Variants in DAB1 observed in about 807,000 individuals in gnomAD.
DAB1 encodes the protein DAB adaptor protein 1, also known as disabled homolog 1.
A neutral mutation model predicts 64.6 loss-of-function variants in DAB1; 15 were observed. The observed-to-expected ratio is 0.23, with a 90% CI of 0.16 to 0.36. The LOEUF (loss-of-function observed/expected upper bound fraction) is 0.36. Ranked by LOEUF, DAB1 falls within the 10% of genes least tolerant of loss-of-function variation. The pLI is 1.00. For missense variants in DAB1, 596 were observed against 706.7 expected, an observed-to-expected ratio of 0.84 and a Z score of 1.78; for synonymous variants, 235 against 251.9, an observed-to-expected ratio of 0.93 and a Z score of 0.64.
chr1:57,562,372 C>CA (rs894112700), intron 7 of DAB1, among the ~76,000 whole-genome samples: 10 of 151,552 alleles, frequency 6.6e-5, no homozygotes, highest in East Asian at 3.9e-4. Flanking sequence ...GACTCCGTCT[C>CA]AAAAAAAACA....
intron 6 of DAB1, among the ~76,000 whole-genome samples, chr1:57,756,743 C>T (rs1327559240): frequency 6.6e-6 from 1 of 151,936 alleles, no homozygotes; most frequent in Non-Finnish European, 1.5e-5. Context: ...AGTTGAAGTC[C>T]AGAAAGGACA....
chr1:58,090,549 TC>T (rs1206468559), intron 5 of DAB1, among the ~76,000 whole-genome samples: 9 of 152,230 alleles, frequency 5.9e-5, no homozygotes, highest in African/African-American at 2.2e-4. Context: ...TTCTAACTTT[TC>T]CCTATCTCCC....
At chr1:57,110,959 A>T (rs951562006) in intron 4 of DAB1, among the ~76,000 whole-genome samples, 2 of 151,684 alleles carry the variant, frequency 1.3e-5, no homozygotes, top group African/African-American at 4.8e-5. Context: ...TATAAACAGA[A>T]ATATATATAA....
chr1:58,505,250 T>C (rs1645969392), intron 3 of DAB1, among the ~76,000 whole-genome samples: 1 of 152,206 alleles, frequency 6.6e-6, no homozygotes, highest in Non-Finnish European at 1.5e-5. Flanking sequence ...GATACTTCTA[T>C]AATACACCTG....
At chr1:58,142,464 G>T (rs1013922968) in intron 5 of DAB1, among the ~76,000 whole-genome samples, 1 of 152,180 alleles carries the variant, frequency 6.6e-6, no homozygotes, top group South Asian at 2.1e-4. Flanking sequence ...AGGAAATGGA[G>T]TCTCTTCATC....
intron 5 of DAB1, among the ~76,000 whole-genome samples, chr1:57,988,821 T>C (rs1159024316): frequency 6.6e-6 from 1 of 152,062 alleles, no homozygotes; most frequent in African/African-American, 2.4e-5. Context: ...GCTAAAGAAA[T>C]ACAAATACTA....
At chr1:57,415,249 A>ACT (rs1684401595) in intron 1 of DAB1, among the ~76,000 whole-genome samples, 1 of 127,976 alleles carries the variant, frequency 7.8e-6, no homozygotes, top group Non-Finnish European at 1.6e-5. Flanking sequence ...CTCACACAAC[A>ACT]CACACACACA....
chr1:58,293,827 G>A (rs962102214), intron 4 of DAB1, among the ~76,000 whole-genome samples: 3 of 152,204 alleles, frequency 2.0e-5, no homozygotes, highest in Non-Finnish European at 4.4e-5. Context: ...TCTCAGAAAT[G>A]TCCCAATGTG....
In DAB1 at chr1:57,557,696, G is replaced by A. The variant is rs189028546; in HGVS notation, n.625+91896C>T. On this transcript the variant is annotated intron_variant and non_coding_transcript_variant, in intron 7 of 20. Coordinates refer to the DAB1 transcript ENST00000485760. ...CAGTCCTTGGCATGAACTGTTTAGA[G>A]AGTTATGCAAAATAAATGCATTTGA... Among the ~76,000 whole-genome samples, 96 of 152,232 alleles carry A rather than the reference G, an allele frequency of 6.3e-4. 1 individual carries two copies. Among genetic ancestry groups the A allele is most frequent in the Non-Finnish European group, 1.2e-3 (80 of 68,012 alleles).
intron 5 of DAB1, among the ~76,000 whole-genome samples, chr1:57,981,222 T>C (rs894144897): frequency 2.0e-5 from 3 of 151,900 alleles, no homozygotes; most frequent in Non-Finnish European, 4.4e-5. Flanking sequence ...AGGCTTACCA[T>C]GAGGATTGAA....
intron 4 of DAB1, among the ~76,000 whole-genome samples, chr1:58,331,473 G>C (rs1276101171): frequency 6.6e-6 from 1 of 152,192 alleles, no homozygotes; most frequent in Non-Finnish European, 1.5e-5. Context: ...ATTATACTGT[G>C]AGTAACATGC....
At chr1:57,066,050 G>C (rs1022021834) in intron 8 of DAB1, among the ~76,000 whole-genome samples, 1 of 152,196 alleles carries the variant, frequency 6.6e-6, no homozygotes, top group Non-Finnish European at 1.5e-5. Flanking sequence ...TTGGCAGCAT[G>C]TTAATTAATA....
At chr1:58,324,671 A>G (rs1171534273) in intron 4 of DAB1, among the ~76,000 whole-genome samples, 1 of 152,166 alleles carries the variant, frequency 6.6e-6, no homozygotes, top group Non-Finnish European at 1.5e-5. Context: ...GTTCCAAGAC[A>G]CCTGCCTCTT....
chr1:57,698,766 G>A (rs1165482808), intron 6 of DAB1, among the ~76,000 whole-genome samples: 1 of 152,072 alleles, frequency 6.6e-6, no homozygotes, highest in Non-Finnish European at 1.5e-5. Context: ...TTTGGCACTG[G>A]GAGCTTCTCT....
chr1:57,817,696 C>T (rs539221836), intron 6 of DAB1, among the ~76,000 whole-genome samples: 61 of 152,248 alleles, frequency 4.0e-4, no homozygotes, highest in African/African-American at 1.4e-3. Flanking sequence ...AGCTGCAAAG[C>T]GGCCTATTTC....
At chr1:57,366,735 G>A (rs1680027210) in intron 1 of DAB1, among the ~76,000 whole-genome samples, 1 of 152,152 alleles carries the variant, frequency 6.6e-6, no homozygotes, top group African/African-American at 2.4e-5. Flanking sequence ...TGACCTTAAA[G>A]ATAATGAAAC....
intron 1 of DAB1, among the ~76,000 whole-genome samples, chr1:57,309,072 A>G (rs1015961105): frequency 6.6e-6 from 1 of 152,188 alleles, no homozygotes; most frequent in Non-Finnish European, 1.5e-5. Flanking sequence ...TTTTTAGCTC[A>G]TCAGCTATCA....
chr1:57,882,820 T>C (rs149250231), intron 1 of DAB1, among the ~76,000 whole-genome samples: 2 of 152,304 alleles, frequency 1.3e-5, no homozygotes, highest in African/African-American at 4.8e-5. Flanking sequence ...CCTCCTTGCC[T>C]GGTGAAAGAA....
At chr1:57,225,891 T>C (rs1667225463) in intron 2 of DAB1, among the ~76,000 whole-genome samples, 1 of 152,132 alleles carries the variant, frequency 6.6e-6, no homozygotes, top group Non-Finnish European at 1.5e-5. Flanking sequence ...CTTTTAATAA[T>C]AATGTAAAAA....
Sources: gnomAD v4.1 joint callset for allele counts (sites outside exome capture counted in the v4.1 genomes callset) on GRCh38, gnomAD v4.1.1 for gene constraint, MANE v1.5 for transcripts, NCBI Gene and HGNC (gene_info 2026-07-23, HGNC 2026-07-21) for gene names.